MARCHF3: variants seen among roughly 807,000 people sequenced by gnomAD.
The protein encoded by MARCHF3 is membrane associated ring-CH-type finger 3.
Under a neutral mutation model 24.2 loss-of-function variants are expected in MARCHF3, and 13 were observed. That is an observed-to-expected ratio of 0.54 (90% CI 0.35 to 0.85). The LOEUF (loss-of-function observed/expected upper bound fraction) is 0.85, where lower values mean the gene tolerates loss of function less well. Ranked by LOEUF, MARCHF3 falls within the 40% of genes least tolerant of loss-of-function variation. The pLI, the probability that MARCHF3 is intolerant of heterozygous loss-of-function variation, is 0.01. For missense variants in MARCHF3, 276 were observed against 325.0 expected (o/e 0.85, Z 1.16); for synonymous variants, 144 against 137.3 (o/e 1.05, Z -0.34).
In MARCHF3 at chr5:126,878,930, G is replaced by T. The variant is rs770938963; in HGVS notation, c.394-536C>A. Among the ~76,000 whole-genome samples the T allele has an allele frequency of 2.0e-4, 30 of 152,136 alleles. 1 individual carries two copies. The highest frequency in any genetic ancestry group is 5.9e-5 in the Non-Finnish European group (4 of 68,028). ...AGTATTTTGCATGCCAGAGGCCTTG[G>T]GCCCACAATACTAGTATGATGAGAC... On this transcript the variant is annotated intron_variant, in intron 3 of 4. Coordinates refer to ENST00000308660, the MANE Select transcript of MARCHF3 (RefSeq NM_178450.5).
intron 3 of MARCHF3, among the ~76,000 whole-genome samples, chr5:126,900,950 C>A (rs1245730735): frequency 1.3e-5 from 2 of 152,000 alleles, no homozygotes; most frequent in Admixed American, 1.3e-4. Context: ...ACGTGATCCA[C>A]CCGCCTCAGG....
At chr5:126,876,062 G>T (rs966553899) in intron 4 of MARCHF3, among the ~76,000 whole-genome samples, 8 of 152,180 alleles carry the variant, frequency 5.3e-5, no homozygotes, top group Non-Finnish European at 1.2e-4. Context: ...TCCTGAAAGA[G>T]CCTAGTCTAG....
rs1288044353 is a variant in MARCHF3, at chr5:126,881,206, G to A, written c.394-2812C>T. Among the ~76,000 whole-genome samples the A allele has an allele frequency of 5.3e-5, 8 of 151,984 alleles. No individual in the cohort carries two copies. In the East Asian group the frequency reaches 1.3e-3, roughly 26 times the overall value. ...TCTGCATCTTGTTAACTCTAGTTTTGGGGGGTTCGGCTTACTCTTTGTGTT... is the reference window on the plus strand; with the variant it reads ...TCTGCATCTTGTTAACTCTAGTTTTAGGGGGTTCGGCTTACTCTTTGTGTT... On this transcript the variant is annotated intron_variant, in intron 3 of 4. Coordinates refer to ENST00000308660, the MANE Select transcript of MARCHF3 (RefSeq NM_178450.5).
At chr5:126,964,118 C>A (rs1750729878) in intron 1 of MARCHF3, among the ~76,000 whole-genome samples, 1 of 152,202 alleles carries the variant, frequency 6.6e-6, no homozygotes, top group Admixed American at 6.5e-5. Context: ...CACCCTAACA[C>A]TGCCAGACCA....
chr5:126,969,250 G>C (rs1376895690), intron 1 of MARCHF3, among the ~76,000 whole-genome samples: 1 of 152,160 alleles, frequency 6.6e-6, no homozygotes, highest in East Asian at 1.9e-4. Flanking sequence ...AAAGGTATGA[G>C]CTTTGATGCA....
intron 1 of MARCHF3, among the ~76,000 whole-genome samples, chr5:126,987,925 A>C (rs1219360566): frequency 6.6e-6 from 1 of 151,432 alleles, no homozygotes; most frequent in African/African-American, 2.4e-5. Flanking sequence ...AAAGAAATTG[A>C]AAAACTGCCT....
At chr5:126,876,245 A>G (rs1753151749) in intron 4 of MARCHF3, among the ~76,000 whole-genome samples, 1 of 152,246 alleles carries the variant, frequency 6.6e-6, no homozygotes, top group South Asian at 2.1e-4. Flanking sequence ...GCAGGATTTC[A>G]GAAAGGCCTT....
chr5:126,936,512 G>A (rs1468989349), intron 1 of MARCHF3, among the ~76,000 whole-genome samples: 1 of 152,178 alleles, frequency 6.6e-6, no homozygotes, highest in Non-Finnish European at 1.5e-5. Context: ...AAATATTTAT[G>A]TTTGTAATTT....
At chr5:126,914,773 C>CACACACAT in intron 3 of MARCHF3, 157 bp downstream of exon 3, 1 of 612,650 alleles carries the variant, frequency 1.6e-6, no homozygotes, top group Non-Finnish European at 2.9e-6. Flanking sequence ...CTCAAACACA[C>CACACACAT]ACACACACAC....
chr5:126,985,415 T>C (rs1318036103), intron 1 of MARCHF3, among the ~76,000 whole-genome samples: 1 of 151,798 alleles, frequency 6.6e-6, no homozygotes, highest in Non-Finnish European at 1.5e-5. Context: ...TTTAATTTGA[T>C]GTGTTTGTGT....
intron 1 of MARCHF3, among the ~76,000 whole-genome samples, chr5:126,947,356 C>T (rs531701183): frequency 2.0e-5 from 3 of 152,180 alleles, no homozygotes; most frequent in Non-Finnish European, 4.4e-5. Flanking sequence ...ACCTCTTAAA[C>T]CCTTGATTCC....
intron 1 of MARCHF3, among the ~76,000 whole-genome samples, chr5:127,019,884 ATTTC>A (rs1284641345): frequency 6.6e-6 from 1 of 152,196 alleles, no homozygotes; most frequent in Non-Finnish European, 1.5e-5. Context: ...AGTATCACTA[ATTTC>A]TTTGTCTCTT....
At chr5:126,990,289 A>C (rs908314502) in intron 1 of MARCHF3, among the ~76,000 whole-genome samples, 14 of 152,260 alleles carry the variant, frequency 9.2e-5, no homozygotes, top group African/African-American at 3.4e-4. Flanking sequence ...AAAAACAAGA[A>C]ATGGGGAAAG....
chr5:127,018,637 G>A (rs1417594178), intron 1 of MARCHF3, among the ~76,000 whole-genome samples: 3 of 152,176 alleles, frequency 2.0e-5, no homozygotes, highest in African/African-American at 7.2e-5. Flanking sequence ...AATGGGACTG[G>A]CTCATTAGAC....
intron 3 of MARCHF3, among the ~76,000 whole-genome samples, chr5:126,888,822 T>G (rs1331971795): frequency 6.6e-6 from 1 of 152,240 alleles, no homozygotes; most frequent in Non-Finnish European, 1.5e-5. Context: ...TGGAGTGCAG[T>G]GGCACAATCT....
At chr5:126,890,522 G>C (rs545906400) in intron 3 of MARCHF3, among the ~76,000 whole-genome samples, 4,285 of 148,152 alleles carry the variant, frequency 0.029, 197 homozygotes, top group African/African-American at 0.1. Flanking sequence ...CCACCTATGA[G>C]TGAGAATATG....
intron 1 of MARCHF3, among the ~76,000 whole-genome samples, chr5:126,967,691 C>T (rs1421737939): frequency 6.6e-6 from 1 of 152,172 alleles, no homozygotes; most frequent in Non-Finnish European, 1.5e-5. Flanking sequence ...AAGACTCTGT[C>T]TCAAACATTT....
chr5:126,931,508 TG>T (rs1749478096), intron 1 of MARCHF3, among the ~76,000 whole-genome samples: 1 of 152,118 alleles, frequency 6.6e-6, no homozygotes, highest in Admixed American at 6.6e-5. Flanking sequence ...TCTAGTCATA[TG>T]TTTAGGTCCT....
At chr5:126,953,480 G>C (rs1223415073) in intron 1 of MARCHF3, among the ~76,000 whole-genome samples, 1 of 151,990 alleles carries the variant, frequency 6.6e-6, no homozygotes, top group African/African-American at 2.4e-5. Flanking sequence ...GATTCCAAAG[G>C]ATTTCCAAAA....
Sources: allele counts gnomAD v4.1 joint callset (sites outside exome capture counted in the v4.1 genomes callset), GRCh38; gene constraint gnomAD v4.1.1; transcripts MANE v1.5; gene names NCBI Gene and HGNC (gene_info 2026-07-23, HGNC 2026-07-21).